Variants in LRBA observed in about 807,000 individuals in gnomAD.
LRBA encodes the protein LPS responsive beige-like anchor protein, also known as lipopolysaccharide-responsive and beige-like anchor protein.
LRBA carries 176 observed loss-of-function variants against 330.0 expected under a neutral mutation model. The ratio of observed to expected loss-of-function variants is 0.53; its 90% CI spans 0.47 to 0.60. The LOEUF (loss-of-function observed/expected upper bound fraction) is 0.60, where lower values mean the gene tolerates loss of function less well. LRBA is among the 20% of genes least tolerant of loss of function. The probability of loss-of-function intolerance (pLI) is 0.00; values close to 1 mark genes in which losing one functional copy is unlikely to be tolerated. For missense variants in LRBA, 3,259 were observed against 3,444.8 expected, an observed-to-expected ratio of 0.95 and a Z score of 1.35; for synonymous variants, 1,230 against 1,193.0, an observed-to-expected ratio of 1.03 and a Z score of -0.64.
At chr4:150,459,111 C>T (rs114750991) in intron 44 of LRBA, among the ~76,000 whole-genome samples, 2,858 of 151,898 alleles carry the variant, frequency 0.019, 39 homozygotes, top group Non-Finnish European at 0.032. Context: ...ATACAATCTT[C>T]TGTCTTATGG....
chr4:150,632,928 T>C (rs1777531800), intron 37 of LRBA, among the ~76,000 whole-genome samples: 1 of 152,236 alleles, frequency 6.6e-6, no homozygotes, highest in Non-Finnish European at 1.5e-5. Context: ...TTAGAGTTTC[T>C]TTCTAGGCCA....
intron 2 of LRBA, among the ~76,000 whole-genome samples, chr4:150,963,078 G>A (rs1579333025): frequency 6.9e-6 from 1 of 144,666 alleles, no homozygotes; most frequent in African/African-American, 2.7e-5. Flanking sequence ...GAAGCTTCTA[G>A]AAAATAACAA....
intron 2 of LRBA, among the ~76,000 whole-genome samples, chr4:151,000,125 A>C (rs1743169361): frequency 6.6e-6 from 1 of 152,244 alleles, no homozygotes. Context: ...ACAATTTTTC[A>C]ACTTTATGAT....
Position 150,273,378 on chromosome 4 carries a change from C to T in LRBA, c.8468+4475G>A, listed in dbSNP as rs185274973. ...AAACATACCAAATTGTAAACACCAT[C>T]GACGCTATGAAGGAAACTGCATCAA... is the stretch of plus-strand genomic sequence containing the variant. On this transcript the variant is annotated intron_variant, in intron 56 of 56. Transcript: ENST00000651943. Among the ~76,000 whole-genome samples the T allele has an allele frequency of 9.5e-4, 144 of 152,246 alleles. 1 individual carries two copies. The East Asian group carries it at 0.024, about 26-fold the overall frequency.
At chr4:150,520,121 G>A (rs561425286) in intron 40 of LRBA, among the ~76,000 whole-genome samples, 2 of 152,268 alleles carry the variant, frequency 1.3e-5, no homozygotes, top group Non-Finnish European at 2.9e-5. Context: ...TTTGAGGCTT[G>A]CCTAATCATT....
At chr4:150,923,877 A>T (rs1234661108) in intron 4 of LRBA, among the ~76,000 whole-genome samples, 2 of 152,208 alleles carry the variant, frequency 1.3e-5, no homozygotes, top group African/African-American at 4.8e-5. Context: ...CCTGTGTAAA[A>T]GAGTTTGGCA....
chr4:150,878,107 C>A (rs1437675486), intron 17 of LRBA, among the ~76,000 whole-genome samples: 1 of 151,512 alleles, frequency 6.6e-6, no homozygotes, highest in Non-Finnish European at 1.5e-5. Flanking sequence ...TCAAGGTGGG[C>A]AGATCACTTG....
intron 30 of LRBA, among the ~76,000 whole-genome samples, chr4:150,823,542 A>C (rs1745776217): frequency 6.6e-6 from 1 of 152,066 alleles, no homozygotes; most frequent in Non-Finnish European, 1.5e-5. Context: ...TCCCCAGATT[A>C]ATGTCCTGGA....
Position 150,858,334 on chromosome 4 carries a change from C to T in LRBA, c.2767-5391G>A, listed in dbSNP as rs555028480. ...TATAATGGCACCTGTAAAGAACCAC[C>T]GCACTCTAGCCTGGGAAGCACAGCA... On this transcript the variant is annotated intron_variant, in intron 22 of 56. Coordinates refer to ENST00000651943, the MANE Select transcript of LRBA (RefSeq NM_001364905.1). 4.1e-4 allele frequency among the ~76,000 whole-genome samples: 62 copies of T among 151,450 alleles called. 1 individual carries two copies. Among genetic ancestry groups the T allele is most frequent in the African/African-American group, 1.2e-3 (48 of 41,302 alleles).
intron 35 of LRBA, 65 bp from the exon 36 acceptor site, chr4:150,735,431 T>C (rs1036555007): frequency 3.8e-6 from 4 of 1,059,494 alleles, no homozygotes; most frequent in Non-Finnish European, 5.9e-6. Flanking sequence ...GATTATTCAC[T>C]GCTTACGGTG....
At chr4:150,953,939 A>G (rs1737175833) in intron 2 of LRBA, among the ~76,000 whole-genome samples, 1 of 63,176 alleles carries the variant, frequency 1.6e-5, no homozygotes, top group African/African-American at 5.5e-5. Context: ...CCGGCCACCC[A>G]TCTTCTGGGA....
At chr4:150,778,837 T>G (rs1737780322) in intron 34 of LRBA, among the ~76,000 whole-genome samples, 1 of 152,196 alleles carries the variant, frequency 6.6e-6, no homozygotes, top group Non-Finnish European at 1.5e-5. Flanking sequence ...AGGTCTGAAG[T>G]CAAGTCTTTA....
intron 22 of LRBA, among the ~76,000 whole-genome samples, chr4:150,858,851 C>G (rs1751544109): frequency 6.6e-6 from 1 of 152,108 alleles, no homozygotes; most frequent in Non-Finnish European, 1.5e-5. Context: ...TTTCTTCAAA[C>G]AAGTCGCTTT....
chr4:150,753,310 T>C (rs568007781), intron 35 of LRBA, among the ~76,000 whole-genome samples: 210 of 152,328 alleles, frequency 1.4e-3, no homozygotes, highest in African/African-American at 4.8e-3. Flanking sequence ...ATTGCTAAAT[T>C]CCCAGAGCCA....
At chr4:150,664,049 A>C (rs986634431) in intron 37 of LRBA, among the ~76,000 whole-genome samples, 18 of 152,212 alleles carry the variant, frequency 1.2e-4, no homozygotes, top group African/African-American at 4.3e-4. Context: ...GATGCACGAA[A>C]AAGATGAATG....
At chr4:150,508,480 G>A (rs1254831571) in intron 40 of LRBA, among the ~76,000 whole-genome samples, 1 of 151,970 alleles carries the variant, frequency 6.6e-6, no homozygotes, top group Non-Finnish European at 1.5e-5. Context: ...GTAGAGGCGG[G>A]GTTTCACCAT....
chr4:151,006,602 C>T (rs1455374592), intron 2 of LRBA, among the ~76,000 whole-genome samples: 3 of 151,916 alleles, frequency 2.0e-5, no homozygotes. Flanking sequence ...AAAAGGGATG[C>T]TTTATAAAAA....
At chr4:150,340,016 G>T (rs1735295886) in intron 48 of LRBA, among the ~76,000 whole-genome samples, 1 of 151,930 alleles carries the variant, frequency 6.6e-6, no homozygotes, top group Admixed American at 6.6e-5. Context: ...AAGTTCTCAC[G>T]AGATCTGATG....
At position 150,956,605 on chromosome 4, in the gene LRBA, G is replaced by T. The variant is rs1212789562; in HGVS notation, c.217-27540C>A. ...AAAACTACAGACCAATATATCTTAT[G>T]AATATGAACACAAAAATCCTCAACA... On this transcript the variant is annotated intron_variant, in intron 2 of 56. Coordinates refer to ENST00000651943, the MANE Select transcript of LRBA (RefSeq NM_001364905.1). Among the ~76,000 whole-genome samples the T allele has an allele frequency of 3.4e-5, 5 of 148,944 alleles. 1 individual carries two copies. Among genetic ancestry groups the T allele is most frequent in the African/African-American group, 1.3e-4 (5 of 38,476 alleles).
Sources: allele counts gnomAD v4.1 joint callset (sites outside exome capture counted in the v4.1 genomes callset), GRCh38; gene constraint gnomAD v4.1.1; transcripts MANE v1.5; gene names NCBI Gene and HGNC (gene_info 2026-07-23, HGNC 2026-07-21).